TRAPPC3L: variants seen among roughly 807,000 people sequenced by gnomAD.
The protein encoded by TRAPPC3L is trafficking protein particle complex subunit 3-like protein.
Under a neutral mutation model 23.7 loss-of-function variants are expected in TRAPPC3L, and 23 were observed. The ratio of observed to expected loss-of-function variants is 0.97; its 90% confidence interval spans 0.70 to 1.37. The LOEUF is 1.37. Among genes scored for constraint, TRAPPC3L ranks in the 40% most tolerant of loss-of-function variants. The pLI is 0.00. For missense variants in TRAPPC3L, 212 were observed against 216.8 expected (o/e 0.98, Z 0.14); for synonymous variants, 81 against 77.9 (o/e 1.04, Z -0.21).
chr6:116,538,400 C>G (rs1254555469), intron 3 of TRAPPC3L, among the ~76,000 whole-genome samples: 4 of 152,202 alleles, frequency 2.6e-5, no homozygotes, highest in Non-Finnish European at 5.9e-5. Context: ...GTATATGCCT[C>G]TACTTCCAGT....
chr6:116,543,406 G>C lies in TRAPPC3L; in HGVS notation c.43-6C>G. ...AGGACAAAGAGATCTTTATTCTGGA[G>C]AAAAAGGGGTAGTTTCTGGTTATAG... is the stretch of plus-strand genomic sequence containing the variant. On this transcript the variant is annotated splice_polypyrimidine_tract_variant and splice_region_variant and intron_variant, in intron 1 of 4. Coordinates refer to ENST00000368602, the MANE Select transcript of TRAPPC3L (RefSeq NM_001139444.3). The C allele has an allele frequency of 6.5e-7, 1 of 1,544,178 alleles. No individual in the cohort carries two copies. Among genetic ancestry groups the C allele is most frequent in the Non-Finnish European group, 8.8e-7 (1 of 1,142,746 alleles).
At chr6:116,540,877 C>T (rs1198087255) in intron 2 of TRAPPC3L, among the ~76,000 whole-genome samples, 1 of 152,086 alleles carries the variant, frequency 6.6e-6, no homozygotes, top group Non-Finnish European at 1.5e-5. Flanking sequence ...TCGCTCTTCT[C>T]TTAGCATTGT....
At chr6:116,504,654 C>G (rs544741278) in intron 3 of TRAPPC3L, among the ~76,000 whole-genome samples, 2 of 152,272 alleles carry the variant, frequency 1.3e-5, no homozygotes, top group Non-Finnish European at 2.9e-5. Flanking sequence ...CAAACCGAAC[C>G]CAGCAGCACA....
At chr6:116,504,269 T>G (rs1378097559) in intron 3 of TRAPPC3L, among the ~76,000 whole-genome samples, 1 of 152,070 alleles carries the variant, frequency 6.6e-6, no homozygotes, top group Admixed American at 6.5e-5. Flanking sequence ...GCAAATAAAC[T>G]AGAAACTCTA....
intron 3 of TRAPPC3L, among the ~76,000 whole-genome samples, chr6:116,507,063 T>TTTAATGTATAGAATATTTAATGTATAGAA (rs1772019529): frequency 2.0e-5 from 3 of 151,716 alleles, no homozygotes; most frequent in Non-Finnish European, 1.5e-5. Flanking sequence ...GTATAGAATA[T>TTTAATGTATAGAATATTTAATGTATAGAA]TGTAAGAGGA....
chr6:116,543,906 G>A, intron 1 of TRAPPC3L: 6 of 1,468,510 alleles, frequency 4.1e-6, no homozygotes, highest in Non-Finnish European at 5.5e-6. Context: ...AGAGAAAAAA[G>A]GGGAATGTGA....
In TRAPPC3L at chr6:116,543,340, C is replaced by G. The variant is rs1310846700; in HGVS notation, c.103G>C (p.Glu35Gln). Residue 35 changes from glutamate (E) to glutamine (Q), a missense_variant, in exon 2 of 5, where the codon GAG becomes CAG. Physicochemically the swap from Glu to Gln is conservative, Grantham distance 29. Transcript: ENST00000368602. ...ALVAQLCKDY[E>Q]KDEDVNQYLD... ...TATTGGTTCACATCTTCATCCTTCTCATAATCCTTACACAGCTGGGCAACC... is the reference window on the plus strand; with the variant it reads ...TATTGGTTCACATCTTCATCCTTCTGATAATCCTTACACAGCTGGGCAACC... The G allele has an allele frequency of 6.5e-7, 1 of 1,549,882 alleles. No individual in the cohort carries two copies. Among genetic ancestry groups the G allele is most frequent in the Non-Finnish European group, 8.7e-7 (1 of 1,145,690 alleles).
intron 3 of TRAPPC3L, among the ~76,000 whole-genome samples, chr6:116,527,219 C>A (rs1772455369): frequency 6.6e-6 from 1 of 152,112 alleles, no homozygotes; most frequent in Non-Finnish European, 1.5e-5. Flanking sequence ...GTCTCCATTT[C>A]TTTATTAAAG....
intron 3 of TRAPPC3L, chr6:116,511,590 G>A (rs1772119118): frequency 1.0e-6 from 1 of 996,860 alleles, no homozygotes; most frequent in African/African-American, 1.6e-5. Flanking sequence ...AATTCAGTCT[G>A]AGAAGGACTG....
At chr6:116,515,418 T>A (rs1463505370) in intron 3 of TRAPPC3L, among the ~76,000 whole-genome samples, 2 of 152,202 alleles carry the variant, frequency 1.3e-5, no homozygotes, top group African/African-American at 2.4e-5. Flanking sequence ...CTAACTTTAT[T>A]TTGAGTTTAC....
At chr6:116,514,354 C>T (rs982556134) in intron 3 of TRAPPC3L, among the ~76,000 whole-genome samples, 2 of 152,214 alleles carry the variant, frequency 1.3e-5, no homozygotes, top group Admixed American at 6.5e-5. Context: ...TAGCCAACCA[C>T]AATCCATTCA....
chr6:116,536,931 G>A (rs567399681), intron 3 of TRAPPC3L, among the ~76,000 whole-genome samples: 6 of 152,312 alleles, frequency 3.9e-5, no homozygotes, highest in Admixed American at 3.9e-4. Context: ...CCACAGGCCC[G>A]ACGTTTGGAT....
rs1453984472 is a variant in TRAPPC3L at position 116,495,254 on chromosome 6, G to A, written c.*1700C>T. The A allele has an allele frequency of 1.3e-5, 2 of 151,752 alleles. No individual in the cohort carries two copies. The highest frequency in any genetic ancestry group is 2.4e-5 in the African/African-American group (1 of 41,280). 9.4% of individuals were successfully genotyped at this position (151,752 alleles called of 1,614,324 possible). On this transcript the variant is annotated 3_prime_UTR_variant, in exon 5 of 5. Coordinates refer to ENST00000368602, the MANE Select transcript of TRAPPC3L (RefSeq NM_001139444.3). Reference sequence around the variant, plus strand: ...TAATTTTTAGCTCCTACAAATAAATGAGAACATGCAAAGTCTGTCTTTCTG... The same window carrying A: ...TAATTTTTAGCTCCTACAAATAAATAAGAACATGCAAAGTCTGTCTTTCTG...
At chr6:116,527,345 G>A (rs1772464037) in intron 3 of TRAPPC3L, among the ~76,000 whole-genome samples, 1 of 151,806 alleles carries the variant, frequency 6.6e-6, no homozygotes, top group Admixed American at 6.6e-5. Context: ...CTGAAACCCC[G>A]TCTCTACTAA....
intron 3 of TRAPPC3L, chr6:116,516,501 A>G (rs1471662368): frequency 6.6e-6 from 1 of 152,068 alleles, no homozygotes; most frequent in Non-Finnish European, 1.5e-5. Flanking sequence ...CAAAAATCAC[A>G]AGTTGCAAGA....
intron 3 of TRAPPC3L, among the ~76,000 whole-genome samples, chr6:116,527,377 C>T (rs940417268): frequency 2.0e-5 from 3 of 152,028 alleles, no homozygotes; most frequent in African/African-American, 7.2e-5. Flanking sequence ...ATTAGCCAGG[C>T]TTGGTGGCGG....
intron 3 of TRAPPC3L, among the ~76,000 whole-genome samples, chr6:116,532,232 A>C (rs1772772724): frequency 6.6e-6 from 1 of 151,378 alleles, no homozygotes; most frequent in African/African-American, 2.4e-5. Context: ...TGTAGATGTG[A>C]AAAGTTCTTC....
rs780990975 is a variant in TRAPPC3L at position 116,500,673 on chromosome 6, A to T, written c.241-7T>A. The T allele has an allele frequency of 2.6e-6, 4 of 1,550,468 alleles. No individual in the cohort carries two copies. In the South Asian group the frequency reaches 4.8e-5, roughly 18 times the overall value. ...GGTACATCTTGAAAGCAACCTGATA[A>T]GAAAAAAACAAAATTACTAAAACTT... On this transcript the variant is annotated splice_region_variant and splice_polypyrimidine_tract_variant and intron_variant, in intron 3 of 4. Transcript: ENST00000368602.
At position 116,496,642 on chromosome 6, in the gene TRAPPC3L, C is replaced by T. The variant is rs932411091; in HGVS notation, c.*312G>A. On this transcript the variant is annotated 3_prime_UTR_variant, in exon 5 of 5. Transcript: ENST00000368602. ...GTTTGTATTTGTGCTGCTTTTTTTT[C>T]CCATTACCATACGTGAATGGAATGA... is the stretch of plus-strand genomic sequence containing the variant. 4 of 222,038 alleles carry T rather than the reference C, an allele frequency of 1.8e-5. No homozygotes were observed. The highest frequency in any genetic ancestry group is 2.6e-5 in the Non-Finnish European group (3 of 115,334). 13.8% of individuals were successfully genotyped at this position (222,038 alleles called of 1,614,324 possible).
Sources: gnomAD v4.1 joint callset for allele counts (sites outside exome capture counted in the v4.1 genomes callset) on GRCh38, gnomAD v4.1.1 for gene constraint, MANE v1.5 for transcripts, NCBI Gene and HGNC (gene_info 2026-07-23, HGNC 2026-07-21) for gene names.